Variants in DGKB observed in about 807,000 individuals in gnomAD.
DGKB encodes 90 kDa diacylglycerol kinase.
A neutral mutation model predicts 114.3 loss-of-function variants in DGKB; 67 were observed. The ratio of observed to expected loss-of-function variants is 0.59; its 90% CI spans 0.48 to 0.72. The LOEUF (loss-of-function observed/expected upper bound fraction) is 0.72, where lower values mean the gene tolerates loss of function less well. DGKB is among the 30% of genes least tolerant of loss of function. The probability of loss-of-function intolerance (pLI) is 0.00; values close to 1 mark genes in which losing one functional copy is unlikely to be tolerated. For missense variants in DGKB, 907 were observed against 975.2 expected, an observed-to-expected ratio of 0.93 and a Z score of 0.93; for synonymous variants, 398 against 323.1, an observed-to-expected ratio of 1.23 and a Z score of -2.49.
chr7:14,510,527 G>A (rs1260964496), intron 20 of DGKB, among the ~76,000 whole-genome samples: 1 of 152,062 alleles, frequency 6.6e-6, no homozygotes, highest in East Asian at 1.9e-4. Context: ...TACCACGTAT[G>A]CAGTTACTTC....
rs528107051 is a variant in DGKB at position 14,402,159 on chromosome 7, A to C, written c.1836-56768T>G. ...ATATGAGATAGATCTATTTCATTTCATATATGACACTCAATCCTTATTTTT... is the reference window on the plus strand; with the variant it reads ...ATATGAGATAGATCTATTTCATTTCCTATATGACACTCAATCCTTATTTTT... On this transcript the variant is annotated intron_variant, in intron 21 of 25. Transcript: ENST00000402815. 9.2e-5 allele frequency among the ~76,000 whole-genome samples: 14 copies of C among 151,886 alleles called. No individual in the cohort carries two copies. In the South Asian group the frequency reaches 2.7e-3, roughly 29 times the overall value.
chr7:14,397,049 G>A (rs898367693), intron 21 of DGKB, among the ~76,000 whole-genome samples: 1 of 152,096 alleles, frequency 6.6e-6, no homozygotes, highest in African/African-American at 2.4e-5. Flanking sequence ...CTGGGAGAGA[G>A]AGAGAGAGAG....
intron 22 of DGKB, among the ~76,000 whole-genome samples, chr7:14,344,535 T>C (rs1420489587): frequency 6.6e-6 from 1 of 151,680 alleles, no homozygotes; most frequent in African/African-American, 2.4e-5. Flanking sequence ...TGTTTCTTAA[T>C]TCATATCAAC....
chr7:14,721,442 G>C (rs193294861), intron 5 of DGKB, among the ~76,000 whole-genome samples: 124 of 152,178 alleles, frequency 8.1e-4, no homozygotes, highest in South Asian at 7.1e-3. Context: ...TTGGAAAAAT[G>C]AGTAATATTT....
intron 23 of DGKB, among the ~76,000 whole-genome samples, chr7:14,317,672 G>A (rs1352069161): frequency 8.9e-6 from 1 of 112,884 alleles, no homozygotes. Context: ...CATGCTCATG[G>A]GTAGGAAGAA....
At chr7:14,257,257 G>A (rs1025406448) in intron 23 of DGKB, among the ~76,000 whole-genome samples, 2 of 151,694 alleles carry the variant, frequency 1.3e-5, no homozygotes, top group African/African-American at 2.4e-5. Flanking sequence ...ATTAGTTCTA[G>A]GCTTTCTGTT....
chr7:14,193,581 AC>A (rs1784610158), intron 23 of DGKB, among the ~76,000 whole-genome samples: 2 of 152,360 alleles, frequency 1.3e-5, no homozygotes, highest in East Asian at 1.9e-4. Context: ...AAAGTTTGAA[AC>A]TATGAAACAA....
At chr7:14,893,321 A>C (rs1781587073) in intron 1 of DGKB, among the ~76,000 whole-genome samples, 1 of 151,380 alleles carries the variant, frequency 6.6e-6, no homozygotes, top group South Asian at 2.1e-4. Flanking sequence ...AACATCCAAC[A>C]GTGATGATTA....
At chr7:14,226,636 A>G (rs1790845287) in intron 23 of DGKB, among the ~76,000 whole-genome samples, 1 of 152,048 alleles carries the variant, frequency 6.6e-6, no homozygotes, top group Non-Finnish European at 1.5e-5. Flanking sequence ...TTTCATAATT[A>G]TCTTATGATT....
chr7:14,711,830 G>A (rs1827401682), intron 6 of DGKB, among the ~76,000 whole-genome samples: 1 of 152,084 alleles, frequency 6.6e-6, no homozygotes, highest in African/African-American at 2.4e-5. Context: ...AAGGTACTCA[G>A]GAATTCTGAG....
chr7:14,354,423 G>C (rs191945254), intron 21 of DGKB, among the ~76,000 whole-genome samples: 160 of 152,132 alleles, frequency 1.1e-3, no homozygotes, highest in African/African-American at 3.4e-3. Context: ...CCCTCTTTCT[G>C]GTAGAATAGA....
chr7:14,345,570 T>A (rs963452408), intron 21 of DGKB, among the ~76,000 whole-genome samples, 179 bp from the exon 22 acceptor site: 1 of 151,738 alleles, frequency 6.6e-6, no homozygotes, highest in Non-Finnish European at 1.5e-5. Context: ...AACTGTATGA[T>A]GGCCTTGAGG....
intron 20 of DGKB, among the ~76,000 whole-genome samples, chr7:14,483,223 C>T (rs1312476802): frequency 2.0e-5 from 3 of 152,068 alleles, no homozygotes. Flanking sequence ...GAACCAGTGA[C>T]CCCTCTCTAC....
intron 23 of DGKB, among the ~76,000 whole-genome samples, chr7:14,271,717 G>A (rs1471703295): frequency 3.3e-5 from 5 of 152,162 alleles, no homozygotes; most frequent in African/African-American, 7.2e-5. Context: ...CAGCTTAAAT[G>A]CCCCAAACAC....
chr7:14,932,432 G>GA (rs1218451847), intron 1 of DGKB, among the ~76,000 whole-genome samples: 1 of 152,060 alleles, frequency 6.6e-6, no homozygotes, highest in Non-Finnish European at 1.5e-5. Context: ...AGCCATTTTG[G>GA]AAAAAATAAA....
At chr7:14,312,667 C>A (rs543212345) in intron 23 of DGKB, among the ~76,000 whole-genome samples, 1 of 152,168 alleles carries the variant, frequency 6.6e-6, no homozygotes, top group Non-Finnish European at 1.5e-5. Flanking sequence ...AAATCAGCCA[C>A]TTTGTTCATG....
chr7:14,260,007 G>GAA (rs1796518093), intron 23 of DGKB, among the ~76,000 whole-genome samples: 2 of 151,696 alleles, frequency 1.3e-5, no homozygotes, highest in African/African-American at 4.9e-5. Flanking sequence ...TTCTGGGTTT[G>GAA]AAATTATTCA....
chr7:14,629,532 T>A (rs1268172720), intron 14 of DGKB, among the ~76,000 whole-genome samples: 2 of 151,834 alleles, frequency 1.3e-5, no homozygotes, highest in Non-Finnish European at 2.9e-5. Context: ...AATAAGCAGA[T>A]TTTAATTACA....
chr7:14,608,510 TC>T (rs1804932417), intron 16 of DGKB, among the ~76,000 whole-genome samples: 1 of 151,918 alleles, frequency 6.6e-6, no homozygotes, highest in South Asian at 2.1e-4. Context: ...CTGGAAGAAT[TC>T]CCCTTCAAAA....
Sources: gnomAD v4.1 joint callset for allele counts (sites outside exome capture counted in the v4.1 genomes callset) on GRCh38, gnomAD v4.1.1 for gene constraint, MANE v1.5 for transcripts, NCBI Gene and HGNC (gene_info 2026-07-23, HGNC 2026-07-21) for gene names.